Variants in ELOVL2 observed in about 807,000 individuals in gnomAD.
The protein encoded by ELOVL2 is ELOVL fatty acid elongase 2, also known as very long chain fatty acid elongase 2.
In ELOVL2, 38 loss-of-function variants were observed where a neutral mutation model predicts 37.7. The ratio of observed to expected loss-of-function variants is 1.01; its 90% CI spans 0.78 to 1.32. The LOEUF (loss-of-function observed/expected upper bound fraction) is 1.32, where lower values mean the gene tolerates loss of function less well. Ranked by LOEUF, ELOVL2 falls within the 40% of genes most tolerant of loss-of-function variation. The pLI, the probability that ELOVL2 is intolerant of heterozygous loss-of-function variation, is 0.00. For missense variants in ELOVL2, 352 were observed against 363.6 expected (o/e 0.97, Z 0.26); for synonymous variants, 115 against 122.3 (o/e 0.94, Z 0.40).
intron 1 of ELOVL2, chr6:11,043,734 C>G (rs996453088): frequency 1.3e-5 from 2 of 155,138 alleles, no homozygotes; most frequent in South Asian, 2.0e-4. Context: ...ACCGTTAGGG[C>G]CCGAACCCCA....
intron 6 of ELOVL2, 78 bp from the exon 7 acceptor site, chr6:10,989,915 T>C: frequency 6.5e-7 from 1 of 1,544,742 alleles, no homozygotes; most frequent in Non-Finnish European, 8.9e-7. Context: ...CTTGATCAAT[T>C]CAGAAATCAA....
rs761914849 is a variant in ELOVL2, at chr6:11,044,264, G to A, written c.-34C>T. 3 of 1,323,746 alleles carry A rather than the reference G, an allele frequency of 2.3e-6. No individual in the cohort carries two copies. Among genetic ancestry groups the A allele is most frequent in the Non-Finnish European group, 2.9e-6 (3 of 1,039,270 alleles). 82.0% of individuals were successfully genotyped at this position (1,323,746 alleles called of 1,614,324 possible). On this transcript the variant is annotated 5_prime_UTR_variant, in exon 1 of 8. Transcript: ENST00000354666. The surrounding 1 kb of genome is among the most constrained non-coding windows in gnomAD (Gnocchi z 5.6). ...GCGGCTGTGGCGCGGCGACCCGGGC[G>A]GGCGGCGATGCGCTGTCCAGGGTAG...
At chr6:11,015,541 C>G (rs1025461188) in intron 1 of ELOVL2, 2 of 152,956 alleles carry the variant, frequency 1.3e-5, no homozygotes, top group African/African-American at 4.8e-5. Flanking sequence ...GGCCTAATAT[C>G]CAGGGATGCC....
At chr6:11,003,553 C>CT (rs998923697) in intron 3 of ELOVL2, among the ~76,000 whole-genome samples, 24 of 152,284 alleles carry the variant, frequency 1.6e-4, no homozygotes, top group African/African-American at 5.5e-4. Flanking sequence ...TCCAGTCTAT[C>CT]ATTGATGGGC....
At position 11,044,218 on chromosome 6, in the gene ELOVL2, C is replaced by T; in HGVS notation, c.3+10G>A. ...CGGCGGTGTCGGTGGCGGCGCGCGG[C>T]CCCACTCACCATGATCCGCAGCGGC... On this transcript the variant is annotated intron_variant, in intron 1 of 7. Coordinates refer to ENST00000354666, the MANE Select transcript of ELOVL2 (RefSeq NM_017770.4). The surrounding 1 kb of genome is among the most constrained non-coding windows in gnomAD (Gnocchi z 5.6). 2.8e-6 allele frequency: 4 copies of T among 1,432,034 alleles called. No individual in the cohort carries two copies. The highest frequency in any genetic ancestry group is 1.5e-5 in the South Asian group (1 of 67,704). 88.7% of individuals were successfully genotyped at this position (1,432,034 alleles called of 1,614,324 possible).
chr6:11,043,605 C>A (rs181641674), intron 1 of ELOVL2: 614 of 152,858 alleles, frequency 4.0e-3, no homozygotes, highest in Non-Finnish European at 7.1e-3. Context: ...CGAGCCCAGA[C>A]ACTGATAGAA....
intron 4 of ELOVL2, among the ~76,000 whole-genome samples, chr6:10,996,661 C>A (rs1456700622): frequency 6.7e-6 from 1 of 148,462 alleles, no homozygotes; most frequent in Non-Finnish European, 1.5e-5. Context: ...GAGTGAGACT[C>A]TGCCTCAAAA....
At chr6:10,986,340 T>C (rs969252844) in intron 7 of ELOVL2, among the ~76,000 whole-genome samples, 3 of 152,212 alleles carry the variant, frequency 2.0e-5, no homozygotes, top group African/African-American at 7.2e-5. Flanking sequence ...TACCCTTTAT[T>C]TCCTTCTCCT....
At chr6:10,996,180 T>C (rs1478634949) in intron 4 of ELOVL2, among the ~76,000 whole-genome samples, 1 of 152,216 alleles carries the variant, frequency 6.6e-6, no homozygotes, top group African/African-American at 2.4e-5. Context: ...AATTAAAATA[T>C]CATGCTCTAC....
At chr6:11,035,431 G>C (rs1360914981) in intron 1 of ELOVL2, among the ~76,000 whole-genome samples, 1 of 152,136 alleles carries the variant, frequency 6.6e-6, no homozygotes, top group Non-Finnish European at 1.5e-5. Context: ...CAGATTCCTA[G>C]GTCCATGCTC....
intron 2 of ELOVL2, among the ~76,000 whole-genome samples, chr6:11,005,788 G>A (rs949154781): frequency 6.6e-6 from 1 of 152,148 alleles, no homozygotes; most frequent in Non-Finnish European, 1.5e-5. Context: ...TGAATGAAAG[G>A]GACAAGAAGT....
chr6:10,981,292 A>T lies in ELOVL2; in HGVS notation c.*2489T>A, dbSNP rs1013801953. The T allele has an allele frequency of 6.5e-5, 10 of 152,674 alleles. No individual in the cohort carries two copies. Among genetic ancestry groups the T allele is most frequent in the African/African-American group, 2.4e-4 (10 of 41,462 alleles). 9.5% of individuals were successfully genotyped at this position (152,674 alleles called of 1,614,324 possible). A position where few individuals can be genotyped will look rare whatever the true frequency, so the allele number is the denominator to read the frequency against. On this transcript the variant is annotated 3_prime_UTR_variant, in exon 8 of 8. Coordinates refer to ENST00000354666, the MANE Select transcript of ELOVL2 (RefSeq NM_017770.4). Reference sequence around the variant, plus strand: ...CATTCTCCATTTTTTTTAATAGATTATAGAAATATTAATTTTTCAATAGTT... The same window carrying T: ...CATTCTCCATTTTTTTTAATAGATTTTAGAAATATTAATTTTTCAATAGTT...
intron 1 of ELOVL2, among the ~76,000 whole-genome samples, chr6:11,038,781 A>G (rs73721615): frequency 0.093 from 14,205 of 152,240 alleles, 2,012 homozygotes; most frequent in African/African-American, 0.3. Context: ...TACACAGGCA[A>G]ATGTGTATTG....
At chr6:11,022,485 T>C (rs1239487620) in intron 1 of ELOVL2, among the ~76,000 whole-genome samples, 3 of 152,156 alleles carry the variant, frequency 2.0e-5, no homozygotes, top group Admixed American at 6.5e-5. Context: ...GGGAGAACTC[T>C]TGAAAAAACT....
Position 10,995,124 on chromosome 6 carries a change from T to C in ELOVL2, c.388A>G (p.Thr130Ala), listed in dbSNP as rs1360928053. 5 of 1,613,596 alleles carry C rather than the reference T, an allele frequency of 3.1e-6. No individual in the cohort carries two copies. Among genetic ancestry groups the C allele is most frequent in the Admixed American group, 3.3e-5 (2 of 59,968 alleles). ...TTTTTCCGCAAAACGAAGAAAATTG[T>C]GTCCAGGAACTCTACTGATTTGGAG... ...YFSKSVEFLD[T>A]IFFVLRKKTS... is the part of the protein sequence containing the mutation. Residue 130 changes from threonine to alanine, a missense_variant, in exon 5 of 8, where the codon ACA becomes GCA. Thr to Ala is a moderately conservative substitution (Grantham distance 58). Coordinates refer to ENST00000354666, the MANE Select transcript of ELOVL2 (RefSeq NM_017770.4).
At chr6:10,989,904 G>A in intron 6 of ELOVL2, 67 bp from the exon 7 acceptor site, 2 of 1,581,608 alleles carry the variant, frequency 1.3e-6, no homozygotes, top group South Asian at 1.1e-5. Flanking sequence ...CTGCGGCCAA[G>A]CTTGATCAAT....
chr6:11,042,266 T>C (rs1029164199), intron 1 of ELOVL2, among the ~76,000 whole-genome samples: 1 of 152,020 alleles, frequency 6.6e-6, no homozygotes, highest in African/African-American at 2.4e-5. Context: ...TGAGCCAAGA[T>C]TGCATCACTG....
intron 1 of ELOVL2, among the ~76,000 whole-genome samples, chr6:11,035,524 G>C (rs1207791180): frequency 6.6e-6 from 1 of 152,208 alleles, no homozygotes; most frequent in Non-Finnish European, 1.5e-5. Context: ...GTGTCACACA[G>C]ACATAGTCTT....
At chr6:10,992,791 AAAAC>A (rs1554110943) in intron 5 of ELOVL2, among the ~76,000 whole-genome samples, 1 of 114,484 alleles carries the variant, frequency 8.7e-6, no homozygotes, top group Non-Finnish European at 1.7e-5. Flanking sequence ...CATCTCAAAA[AAAAC>A]AAAACAAAAA....
Sources: allele counts gnomAD v4.1 joint callset (sites outside exome capture counted in the v4.1 genomes callset), GRCh38; gene constraint gnomAD v4.1.1; non-coding constraint Gnocchi (gnomAD v3.1); transcripts MANE v1.5; gene names NCBI Gene and HGNC (gene_info 2026-07-23, HGNC 2026-07-21).